The following RPS6KA2 variants were observed in gnomAD, a reference collection of about 807,000 sequenced individuals.
RPS6KA2 encodes the protein ribosomal protein S6 kinase A2.
A neutral mutation model predicts 91.8 loss-of-function variants in RPS6KA2; 42 were observed. The ratio of observed to expected loss-of-function variants is 0.46; its 90% CI spans 0.36 to 0.59. RPS6KA2 has a LOEUF of 0.59. Ranked by LOEUF, RPS6KA2 falls within the 20% of genes least tolerant of loss-of-function variation. The probability of loss-of-function intolerance (pLI) is 0.00; values close to 1 mark genes in which losing one functional copy is unlikely to be tolerated. For synonymous variants in RPS6KA2, 414 were observed against 393.6 expected, an observed-to-expected ratio of 1.05 and a Z score of -0.61; for missense variants, 798 against 978.5, an observed-to-expected ratio of 0.82 and a Z score of 2.46.
chr6:166,843,599 T>C (rs1471029690), intron 2 of RPS6KA2, among the ~76,000 whole-genome samples: 1 of 152,204 alleles, frequency 6.6e-6, no homozygotes, highest in East Asian at 1.9e-4. Flanking sequence ...CACAGGACTC[T>C]TTGCAGACGT....
At chr6:166,514,169 G>A (rs942409292) in intron 3 of RPS6KA2, among the ~76,000 whole-genome samples, 1 of 152,156 alleles carries the variant, frequency 6.6e-6, no homozygotes, top group Non-Finnish European at 1.5e-5. Context: ...CTTGCCGCTT[G>A]GCCTCAAATT....
rs1780027553 is a variant in RPS6KA2 at position 166,825,420 on chromosome 6, G to A, written c.123+32780C>T. ...TAGGGGAAGAAATGGAGTTTAGGTG[G>A]AATACAGCAGAGAGGGACCCCTGGG... is the stretch of plus-strand genomic sequence containing the variant. On this transcript the variant is annotated intron_variant, in intron 2 of 21. Transcript: ENST00000503859. The surrounding 1 kb of genome is among the most constrained non-coding windows in gnomAD (Gnocchi z 4.1). Among the ~76,000 whole-genome samples, 1 of 152,214 alleles carries A rather than the reference G, an allele frequency of 6.6e-6. No individual in the cohort carries two copies. Among genetic ancestry groups the A allele is most frequent in the Admixed American group, 6.5e-5 (1 of 15,286 alleles).
intron 2 of RPS6KA2, among the ~76,000 whole-genome samples, chr6:166,692,638 A>G (rs1369801293): frequency 2.0e-5 from 3 of 152,168 alleles, no homozygotes; most frequent in African/African-American, 4.8e-5. Context: ...AGAAATAAGG[A>G]AAAAAAAGTT....
At chr6:166,687,711 G>A (rs1025120138) in intron 2 of RPS6KA2, among the ~76,000 whole-genome samples, 3 of 152,354 alleles carry the variant, frequency 2.0e-5, no homozygotes, top group Middle Eastern at 3.4e-3. Context: ...CAAACAGAAC[G>A]TTCAAACAAA....
intron 2 of RPS6KA2, among the ~76,000 whole-genome samples, chr6:166,633,505 ATCT>A (rs1222431496): frequency 2.6e-5 from 4 of 152,254 alleles, no homozygotes; most frequent in Admixed American, 6.5e-5. Flanking sequence ...TGGAAAATAA[ATCT>A]TCTCGTTGAG....
At chr6:166,530,225 A>G (rs1783217692) in intron 3 of RPS6KA2, among the ~76,000 whole-genome samples, 1 of 152,210 alleles carries the variant, frequency 6.6e-6, no homozygotes, top group Non-Finnish European at 1.5e-5. Context: ...AGGCCTCTGC[A>G]TGAGCTCCCT....
chr6:166,435,498 A>G lies in RPS6KA2; in HGVS notation c.1333-3008T>C, dbSNP rs1004170160. 6.6e-6 allele frequency among the ~76,000 whole-genome samples: 1 copy of G among 152,222 alleles called. No individual in the cohort carries two copies. The highest frequency in any genetic ancestry group is 1.5e-5 in the Non-Finnish European group (1 of 68,038). On this transcript the variant is annotated intron_variant, in intron 14 of 20. Coordinates refer to ENST00000265678, the MANE Select transcript of RPS6KA2 (RefSeq NM_021135.6). The surrounding 1 kb of genome is among the most constrained non-coding windows in gnomAD (Gnocchi z 4.3). ...CATGTAATTGCTTGGTGGAACCCCC[A>G]AAGCACCTCTGTCAACAACCAAACA... is the stretch of plus-strand genomic sequence containing the variant.
chr6:166,842,561 C>T (rs1780510666), intron 2 of RPS6KA2, among the ~76,000 whole-genome samples: 1 of 152,184 alleles, frequency 6.6e-6, no homozygotes, highest in Non-Finnish European at 1.5e-5. Context: ...CTGCCCGGTG[C>T]ATGGAACTTT....
At chr6:166,836,055 C>G (rs1488169217) in intron 2 of RPS6KA2, among the ~76,000 whole-genome samples, 1 of 152,100 alleles carries the variant, frequency 6.6e-6, no homozygotes, top group Non-Finnish European at 1.5e-5. Context: ...ACCAAATTTG[C>G]ACTTGCTGGA....
In RPS6KA2 at chr6:166,500,620, C is replaced by T. The variant is rs1781992833; in HGVS notation, c.604+267G>A. Among the ~76,000 whole-genome samples, 1 of 152,134 alleles carries T rather than the reference C, an allele frequency of 6.6e-6. No homozygotes were observed. The highest frequency in any genetic ancestry group is 1.5e-5 in the Non-Finnish European group (1 of 68,030). On this transcript the variant is annotated intron_variant, in intron 7 of 20. Coordinates refer to ENST00000265678, the MANE Select transcript of RPS6KA2 (RefSeq NM_021135.6). The surrounding 1 kb of genome is among the most constrained non-coding windows in gnomAD (Gnocchi z 4.3). ...GCACTGGGACTCCTGAACTAAACAC[C>T]CAGCGACGCTGAAGGAGCCCAGCAA...
chr6:166,714,080 T>A (rs1020384465), intron 2 of RPS6KA2, among the ~76,000 whole-genome samples: 4 of 152,228 alleles, frequency 2.6e-5, no homozygotes, highest in Non-Finnish European at 4.4e-5. Context: ...GTCCATCTCC[T>A]GGCCAGCCAT....
chr6:166,490,007 C>T lies in RPS6KA2; in HGVS notation c.818+664G>A, dbSNP rs74574367. On this transcript the variant is annotated intron_variant, in intron 9 of 20. Coordinates refer to ENST00000265678, the MANE Select transcript of RPS6KA2 (RefSeq NM_021135.6). The surrounding 1 kb of genome is among the most constrained non-coding windows in gnomAD (Gnocchi z 4.2). ...TGCCCTCCTGCTGTCTGCTCTGGGA[C>T]AGTGATAGTCAGTGGTGTCTGCTCA... Among the ~76,000 whole-genome samples the T allele has an allele frequency of 0.012, 1,893 of 152,234 alleles. 42 individuals are homozygous for T. Among genetic ancestry groups the T allele is most frequent in the African/African-American group, 0.041 (1,706 of 41,520 alleles).
At chr6:166,735,126 G>A (rs1246872684) in intron 2 of RPS6KA2, among the ~76,000 whole-genome samples, 1 of 152,224 alleles carries the variant, frequency 6.6e-6, no homozygotes, top group African/African-American at 2.4e-5. Flanking sequence ...CCATGCTGGA[G>A]AAGCTTTGGC....
chr6:166,448,863 A>G lies in RPS6KA2; in HGVS notation c.1207-14T>C. 1 of 1,613,328 alleles carries G rather than the reference A, an allele frequency of 6.2e-7. No individual in the cohort carries two copies. On this transcript the variant is annotated splice_polypyrimidine_tract_variant and intron_variant, in intron 13 of 20. Coordinates refer to ENST00000265678, the MANE Select transcript of RPS6KA2 (RefSeq NM_021135.6). The surrounding 1 kb of genome is among the most constrained non-coding windows in gnomAD (Gnocchi z 4.7). ...CCCGTGTAACTGCTGCAGAGGGACC[A>G]AGAGAAGAAGAGTTGTCGGAACCCT...
intron 3 of RPS6KA2, among the ~76,000 whole-genome samples, chr6:166,523,558 A>T (rs911359288): frequency 2.6e-5 from 4 of 152,178 alleles, no homozygotes; most frequent in African/African-American, 9.7e-5. Flanking sequence ...GTAAATAAAG[A>T]TGATGATTTA....
At chr6:166,573,900 T>C (rs1784762731) in intron 1 of RPS6KA2, among the ~76,000 whole-genome samples, 1 of 152,070 alleles carries the variant, frequency 6.6e-6, no homozygotes, top group South Asian at 2.1e-4. Flanking sequence ...CATGTGAAGG[T>C]GTGTCAGATG....
intron 2 of RPS6KA2, among the ~76,000 whole-genome samples, chr6:166,826,876 G>C (rs1224607014): frequency 1.3e-5 from 2 of 152,176 alleles, no homozygotes; most frequent in Non-Finnish European, 2.9e-5. Flanking sequence ...TATATTTCTT[G>C]TGTTTTAATG....
rs371914214 is a variant in RPS6KA2 at position 166,500,979 on chromosome 6, G to A, written c.567-55C>T. On this transcript the variant is annotated intron_variant, in intron 6 of 20. Coordinates refer to ENST00000265678, the MANE Select transcript of RPS6KA2 (RefSeq NM_021135.6). The surrounding 1 kb of genome is among the most constrained non-coding windows in gnomAD (Gnocchi z 4.3). ...TTAGAAAGAGACCCAGCCTGCCGAC[G>A]GGCACGCAGAGCTCAGAGGAGAGCT... The A allele has an allele frequency of 8.0e-5, 124 of 1,551,002 alleles. No individual in the cohort carries two copies. The highest frequency in any genetic ancestry group is 1.0e-4 in the Non-Finnish European group (117 of 1,125,890).
intron 10 of RPS6KA2, 60 bp from the exon 11 acceptor site, chr6:166,469,965 T>C: frequency 1.4e-6 from 2 of 1,455,222 alleles, no homozygotes; most frequent in South Asian, 2.3e-5. Flanking sequence ...TCTGACAGTT[T>C]CCAATGCAGC....
Sources: gnomAD v4.1 joint callset for allele counts (sites outside exome capture counted in the v4.1 genomes callset) on GRCh38, gnomAD v4.1.1 for gene constraint, Gnocchi (gnomAD v3.1) non-coding constraint, MANE v1.5 for transcripts, NCBI Gene and HGNC (gene_info 2026-07-23, HGNC 2026-07-21) for gene names.